CATSPERE: variants seen among roughly 807,000 people sequenced by gnomAD.
CATSPERE encodes the protein cation channel sperm-associated auxiliary subunit epsilon.
Under a neutral mutation model 114.1 loss-of-function variants are expected in CATSPERE, and 93 were observed. That is an observed-to-expected ratio of 0.81 (90% CI 0.69 to 0.97). The LOEUF (loss-of-function observed/expected upper bound fraction) is 0.97, where lower values mean the gene tolerates loss of function less well. CATSPERE is among the 50% of genes least tolerant of loss of function. The pLI, the probability that CATSPERE is intolerant of heterozygous loss-of-function variation, is 0.00. For missense variants in CATSPERE, 1,058 were observed against 1,131.6 expected, an observed-to-expected ratio of 0.93 and a Z score of 0.93; for synonymous variants, 341 against 384.1, an observed-to-expected ratio of 0.89 and a Z score of 1.31.
intron 8 of CATSPERE, among the ~76,000 whole-genome samples, chr1:244,529,226 A>G (rs934373726): frequency 6.6e-6 from 1 of 152,092 alleles, no homozygotes; most frequent in African/African-American, 2.4e-5. Context: ...TGGTAGTTCT[A>G]TTTTTAGCTT....
At chr1:244,594,338 A>G (rs376350846) in intron 17 of CATSPERE, among the ~76,000 whole-genome samples, 3 of 152,134 alleles carry the variant, frequency 2.0e-5, no homozygotes, top group Non-Finnish European at 2.9e-5. Flanking sequence ...AAAACGAATA[A>G]TATTTCATAA....
chr1:244,597,785 T>C (rs1040264993), intron 17 of CATSPERE, among the ~76,000 whole-genome samples: 2 of 152,216 alleles, frequency 1.3e-5, no homozygotes, highest in Admixed American at 1.3e-4. Flanking sequence ...TTTAACTTGC[T>C]ACTATTTCTT....
chr1:244,632,958 A>C (rs534414070), intron 20 of CATSPERE, among the ~76,000 whole-genome samples: 10 of 152,354 alleles, frequency 6.6e-5, no homozygotes, highest in Middle Eastern at 6.8e-3. Flanking sequence ...AAGATAAACC[A>C]TGCTAATAGT....
At chr1:244,574,197 G>T (rs975310044) in intron 11 of CATSPERE, among the ~76,000 whole-genome samples, 2 of 152,104 alleles carry the variant, frequency 1.3e-5, no homozygotes, top group African/African-American at 4.8e-5. Context: ...CTTACGAAAA[G>T]ACTTAGAAAA....
chr1:244,526,074 G>A (rs1047778482), intron 8 of CATSPERE, among the ~76,000 whole-genome samples: 2 of 152,180 alleles, frequency 1.3e-5, no homozygotes, highest in Non-Finnish European at 2.9e-5. Context: ...GACAGTGAGT[G>A]GGTAGCCAAC....
intron 5 of CATSPERE, among the ~76,000 whole-genome samples, chr1:244,489,904 C>G (rs1671700178): frequency 6.6e-6 from 1 of 152,112 alleles, no homozygotes; most frequent in Admixed American, 6.5e-5. Flanking sequence ...ATTGGCCGTA[C>G]TGGTTACTGG....
chr1:244,557,552 T>TATATATATATAA (rs1252995592), intron 9 of CATSPERE, among the ~76,000 whole-genome samples: 1 of 55,126 alleles, frequency 1.8e-5, no homozygotes, highest in Non-Finnish European at 3.6e-5. Context: ...TATATATATA[T>TATATATATATAA]ATATATATAT....
chr1:244,506,049 AT>A (rs1674770643), intron 7 of CATSPERE, among the ~76,000 whole-genome samples: 1 of 152,020 alleles, frequency 6.6e-6, no homozygotes, highest in Non-Finnish European at 1.5e-5. Context: ...AAACACAGAA[AT>A]TTATCTCCTG....
intron 5 of CATSPERE, 71 bp from the exon 6 acceptor site, chr1:244,490,376 T>A: frequency 2.9e-6 from 3 of 1,030,914 alleles, no homozygotes; most frequent in East Asian, 2.4e-5. Flanking sequence ...ACATGTATCT[T>A]GAAAGTAGAA....
At chr1:244,512,135 T>C (rs1340465303) in intron 7 of CATSPERE, among the ~76,000 whole-genome samples, 3 of 152,208 alleles carry the variant, frequency 2.0e-5, no homozygotes, top group Non-Finnish European at 4.4e-5. Flanking sequence ...AGCTTTTCTA[T>C]GTGTTTGCCT....
intron 6 of CATSPERE, 54 bp from the exon 7 acceptor site, chr1:244,498,947 TA>T: frequency 7.2e-7 from 1 of 1,382,982 alleles, no homozygotes; most frequent in Non-Finnish European, 1.0e-6. Flanking sequence ...TTGCCACAAC[TA>T]AAAAAGAAAT....
chr1:244,544,380 G>A (rs1659388380), intron 8 of CATSPERE, among the ~76,000 whole-genome samples: 1 of 152,188 alleles, frequency 6.6e-6, no homozygotes, highest in Admixed American at 6.5e-5. Flanking sequence ...GGCTTATGGA[G>A]GTTAGATGAT....
chr1:244,625,352 TG>T (rs1461451050), intron 20 of CATSPERE, among the ~76,000 whole-genome samples: 1 of 54,908 alleles, frequency 1.8e-5, no homozygotes, highest in African/African-American at 4.5e-5. Flanking sequence ...TTTTGTTTTT[TG>T]GGGGGGTTTA....
At chr1:244,631,620 C>T (rs78589361) in intron 20 of CATSPERE, among the ~76,000 whole-genome samples, 6,493 of 152,194 alleles carry the variant, frequency 0.043, 164 homozygotes, top group Admixed American at 0.066. Flanking sequence ...AAGAAAATAA[C>T]CAGATTTAAA....
intron 6 of CATSPERE, among the ~76,000 whole-genome samples, chr1:244,492,933 A>G (rs987348534): frequency 1.3e-4 from 20 of 150,870 alleles, no homozygotes; most frequent in Admixed American, 1.3e-3. Context: ...CCACTGCTCA[A>G]TGAAATAAAA....
upstream of CATSPERE, among the ~76,000 whole-genome samples, chr1:244,459,015 C>A (rs908636575): frequency 6.6e-6 from 1 of 151,066 alleles, no homozygotes; most frequent in African/African-American, 2.4e-5. Flanking sequence ...TCCAAGTTAT[C>A]TTGGGACTTC....
upstream of CATSPERE, among the ~76,000 whole-genome samples, chr1:244,456,512 C>A (rs982586792): frequency 6.6e-6 from 1 of 151,960 alleles, no homozygotes; most frequent in Admixed American, 6.6e-5. Context: ...AATTTTAATG[C>A]CTTTTTATTC....
intron 10 of CATSPERE, among the ~76,000 whole-genome samples, chr1:244,570,500 A>G: frequency 6.6e-6 from 1 of 152,064 alleles, no homozygotes; most frequent in East Asian, 1.9e-4. Context: ...TTAAATGGTT[A>G]TTTCATTTAT....
chr1:244,626,792 T>C (rs904577765), intron 20 of CATSPERE, among the ~76,000 whole-genome samples: 8 of 152,232 alleles, frequency 5.3e-5, no homozygotes, highest in Non-Finnish European at 1.5e-5. Flanking sequence ...TAAATTAGGC[T>C]TTGGTTTAAG....
Sources: allele counts gnomAD v4.1 joint callset (sites outside exome capture counted in the v4.1 genomes callset), GRCh38; gene constraint gnomAD v4.1.1; transcripts MANE v1.5; gene names NCBI Gene and HGNC (gene_info 2026-07-23, HGNC 2026-07-21).